MRPL22: variants seen among roughly 807,000 people sequenced by gnomAD.
MRPL22 encodes mitochondrial ribosomal protein L22.
In MRPL22, 27 loss-of-function variants were observed where a neutral mutation model predicts 32.4. That is an observed-to-expected ratio of 0.83 (90% CI 0.61 to 1.15). The LOEUF is 1.15. Ranked by LOEUF, MRPL22 falls within the 50% of genes most tolerant of loss-of-function variation. The probability of loss-of-function intolerance (pLI) is 0.00; values close to 1 mark genes in which losing one functional copy is unlikely to be tolerated. For missense variants in MRPL22, 239 were observed against 260.2 expected (o/e 0.92, Z 0.56); for synonymous variants, 86 against 87.3 (o/e 0.99, Z 0.08).
chr5:154,956,889 C>G (rs1028394200), intron 4 of MRPL22: 3 of 436,928 alleles, frequency 6.9e-6, no homozygotes, highest in Non-Finnish European at 1.2e-5. Flanking sequence ...TGTGGTCTCT[C>G]TGTCATGTTT....
intron 2 of MRPL22, among the ~76,000 whole-genome samples, chr5:154,942,066 C>T (rs1764424914): frequency 6.6e-6 from 1 of 151,980 alleles, no homozygotes; most frequent in Non-Finnish European, 1.5e-5. Context: ...ATGATATGAG[C>T]GTTATGTTAG....
chr5:154,944,266 A>AT (rs1190176427), intron 2 of MRPL22, among the ~76,000 whole-genome samples: 32 of 151,130 alleles, frequency 2.1e-4, no homozygotes, highest in Admixed American at 1.7e-3. Context: ...CCAAAAAAAT[A>AT]TTTTTTTTTA....
At chr5:154,961,205 G>T (rs1274510328) in intron 6 of MRPL22, among the ~76,000 whole-genome samples, 2 of 152,120 alleles carry the variant, frequency 1.3e-5, no homozygotes, top group East Asian at 1.9e-4. Flanking sequence ...GCTGAATCTT[G>T]TATAATTTTA....
At chr5:154,965,376 A>G (rs1465328804) in intron 6 of MRPL22, among the ~76,000 whole-genome samples, 1 of 151,942 alleles carries the variant, frequency 6.6e-6, no homozygotes, top group African/African-American at 2.4e-5. Context: ...GTAGATGGCT[A>G]CTACTCTGAC....
intron 6 of MRPL22, among the ~76,000 whole-genome samples, chr5:154,961,948 A>T (rs1022373773): frequency 1.3e-5 from 2 of 152,172 alleles, no homozygotes; most frequent in Non-Finnish European, 2.9e-5. Flanking sequence ...TCAGCCTCCC[A>T]AAGTGTTAGG....
chr5:154,957,049 C>A, intron 4 of MRPL22, 86 bp from the exon 5 acceptor site: 1 of 1,276,252 alleles, frequency 7.8e-7, no homozygotes, highest in South Asian at 1.4e-5. Context: ...AGAAGTTACT[C>A]AAATTATGTA....
At chr5:154,961,507 G>A (rs1329346022) in intron 6 of MRPL22, among the ~76,000 whole-genome samples, 2 of 152,158 alleles carry the variant, frequency 1.3e-5, no homozygotes, top group Non-Finnish European at 2.9e-5. Flanking sequence ...AGATACAAAT[G>A]AAATATGATT....
At chr5:154,959,435 CTGGG>C (rs577284283) in intron 5 of MRPL22, among the ~76,000 whole-genome samples, 355 of 152,320 alleles carry the variant, frequency 2.3e-3, no homozygotes, top group Non-Finnish European at 4.2e-3. Context: ...CCTCCACCTC[CTGGG>C]TTCAAGTGAT....
At chr5:154,958,181 A>C (rs976741580) in intron 5 of MRPL22, among the ~76,000 whole-genome samples, 1 of 152,060 alleles carries the variant, frequency 6.6e-6, no homozygotes, top group Non-Finnish European at 1.5e-5. Flanking sequence ...AGCCTCCCAA[A>C]GTGCTGGGAT....
chr5:154,946,937 C>A (rs923383314), intron 2 of MRPL22, among the ~76,000 whole-genome samples: 2 of 152,142 alleles, frequency 1.3e-5, no homozygotes, highest in Non-Finnish European at 2.9e-5. Context: ...GTATTGCAGG[C>A]GTGAGCCACC....
chr5:154,954,987 C>T (rs150347002), intron 3 of MRPL22, among the ~76,000 whole-genome samples: 2 of 151,204 alleles, frequency 1.3e-5, no homozygotes, highest in African/African-American at 2.4e-5. Context: ...TTAGTAGAGA[C>T]GGGGTTTCAC....
At chr5:154,947,396 G>A (rs1764505867) in intron 2 of MRPL22, among the ~76,000 whole-genome samples, 1 of 152,150 alleles carries the variant, frequency 6.6e-6, no homozygotes, top group African/African-American at 2.4e-5. Context: ...AAATGTGGAT[G>A]GCAAAGGTAT....
In MRPL22 at chr5:154,957,123, C is replaced by T. The variant is rs1448081771; in HGVS notation, c.262-12C>T. 2 of 1,606,064 alleles carry T rather than the reference C, an allele frequency of 1.2e-6. No individual in the cohort carries two copies. The highest frequency in any genetic ancestry group is 1.7e-6 in the Non-Finnish European group (2 of 1,173,662). ...AATTTATTTTCTTTTGTCTCTCACC[C>T]TTTAATTCTAGATACGAGGAATGTC... On this transcript the variant is annotated splice_polypyrimidine_tract_variant and intron_variant, in intron 4 of 6. Transcript: ENST00000523037.
At chr5:154,943,696 A>T (rs1454692400) in intron 2 of MRPL22, among the ~76,000 whole-genome samples, 1 of 151,200 alleles carries the variant, frequency 6.6e-6, no homozygotes, top group African/African-American at 2.4e-5. Context: ...TTTTTTAAAG[A>T]CAGCGTTTTG....
rs1018751869 is a variant in MRPL22, at chr5:154,957,171, T to C, written c.298T>C (p.Leu100=). The C allele has an allele frequency of 1.9e-6, 3 of 1,613,680 alleles. No individual in the cohort carries two copies. Among genetic ancestry groups the C allele is most frequent in the East Asian group, 2.2e-5 (1 of 44,866 alleles). ...GTCTATTGACCAGGCTTTGGCTCAG[T>C]TGGAATTCAATGACAAAAAAGGGGC... ...GMSIDQALAQ[L]EFNDKKGAKI... is the part of the protein sequence containing the mutation. Residue 100 remains leucine, a synonymous_variant, in exon 5 of 7, where the codon TTG becomes CTG. Transcript: ENST00000523037.
intron 3 of MRPL22, among the ~76,000 whole-genome samples, chr5:154,953,263 G>C (rs1427750480): frequency 6.6e-6 from 1 of 150,878 alleles, no homozygotes; most frequent in South Asian, 2.1e-4. Flanking sequence ...GCTGAGGCAG[G>C]AGAATCACTT....
At chr5:154,951,081 T>G (rs1247823293) in intron 3 of MRPL22, 143 bp downstream of exon 3, 1 of 627,778 alleles carries the variant, frequency 1.6e-6, no homozygotes, top group South Asian at 2.1e-5. Flanking sequence ...GATTTATCTC[T>G]TCAATAGTTG....
intron 2 of MRPL22, 81 bp downstream of exon 2, chr5:154,941,346 C>T (rs1354503110): frequency 6.4e-7 from 1 of 1,565,520 alleles, no homozygotes; most frequent in Non-Finnish European, 8.7e-7. Flanking sequence ...CGCCTCCGTG[C>T]CTAACTGTGT....
intron 3 of MRPL22, among the ~76,000 whole-genome samples, chr5:154,953,426 T>C (rs1399200083): frequency 6.6e-6 from 1 of 150,952 alleles, no homozygotes; most frequent in Admixed American, 6.6e-5. Context: ...GCTTTCTTTA[T>C]GATAGTCACA....
Sources: gnomAD v4.1 joint callset for allele counts (sites outside exome capture counted in the v4.1 genomes callset) on GRCh38, gnomAD v4.1.1 for gene constraint, MANE v1.5 for transcripts, NCBI Gene and HGNC (gene_info 2026-07-23, HGNC 2026-07-21) for gene names.